KDM4C: variants seen among roughly 807,000 people sequenced by gnomAD.
KDM4C encodes the protein lysine demethylase 4C, also known as lysine-specific demethylase 4C.
In KDM4C, 81 loss-of-function variants were observed where a neutral mutation model predicts 129.3. The observed-to-expected ratio is 0.63, with a 90% CI of 0.52 to 0.75. The LOEUF is 0.75. Ranked by LOEUF, KDM4C falls within the 30% of genes least tolerant of loss-of-function variation. The pLI, the probability that KDM4C is intolerant of heterozygous loss-of-function variation, is 0.00. For missense variants in KDM4C, 1,457 were observed against 1,304.0 expected (o/e 1.12, Z -1.81); for synonymous variants, 573 against 456.1 (o/e 1.26, Z -3.26).
At position 7,134,276 on chromosome 9, in the gene KDM4C, A is replaced by G. The variant is rs374918055; in HGVS notation, c.2781+6040A>G. On this transcript the variant is annotated intron_variant, in intron 19 of 21. Transcript: ENST00000381309. The stretch of plus-strand genomic sequence containing the variant: ...CTTCACCAAATTCCAGTTAATTTTT[A>G]GTTACGAGGGAAACCTTTTATACAT... Among the ~76,000 whole-genome samples the G allele has an allele frequency of 3.4e-4, 52 of 152,352 alleles. 1 individual carries two copies. In the South Asian group the frequency reaches 0.011, roughly 31 times the overall value.
At chr9:6,967,278 G>A (rs770677980) in intron 8 of KDM4C, among the ~76,000 whole-genome samples, 2 of 152,018 alleles carry the variant, frequency 1.3e-5, no homozygotes, top group Non-Finnish European at 2.9e-5. Flanking sequence ...ACAAATATTA[G>A]CCGGGCTTGG....
intron 1 of KDM4C, among the ~76,000 whole-genome samples, chr9:6,738,704 T>C (rs1817600707): frequency 6.6e-6 from 1 of 151,600 alleles, no homozygotes; most frequent in Non-Finnish European, 1.5e-5. Flanking sequence ...TTCAGCCTCT[T>C]GGGTAGCTAG....
chr9:6,872,713 T>C (rs1179113006), intron 5 of KDM4C, among the ~76,000 whole-genome samples: 1 of 152,194 alleles, frequency 6.6e-6, no homozygotes, highest in Non-Finnish European at 1.5e-5. Context: ...TTGCTTTCCA[T>C]TTGCTTGGTA....
In KDM4C at chr9:7,056,511, A is replaced by G. The variant is rs368135063; in HGVS notation, c.2424+7311A>G. 7.2e-5 allele frequency among the ~76,000 whole-genome samples: 11 copies of G among 152,350 alleles called. No individual in the cohort carries two copies. The South Asian group carries it at 2.3e-3, about 32-fold the overall frequency. On this transcript the variant is annotated intron_variant, in intron 17 of 21. Transcript: ENST00000381309. Reference sequence around the variant, plus strand: ...TGGAAAATGTCAGATGGGCATGGCTACAAATAATATACTTTCTGAAGGCTG... The same window carrying G: ...TGGAAAATGTCAGATGGGCATGGCTGCAAATAATATACTTTCTGAAGGCTG...
intron 5 of KDM4C, among the ~76,000 whole-genome samples, chr9:6,867,354 G>A (rs369372574): frequency 2.5e-4 from 38 of 152,218 alleles, no homozygotes; most frequent in African/African-American, 8.9e-4. Context: ...GAAGGTTGTG[G>A]GAGGAGTGAA....
At chr9:6,834,979 C>G in intron 4 of KDM4C, 2 of 987,334 alleles carry the variant, frequency 2.0e-6, no homozygotes, top group South Asian at 2.5e-5. Context: ...CCCACACCAT[C>G]CTGCATCTGG....
chr9:6,868,148 C>A (rs2130608663), intron 5 of KDM4C, among the ~76,000 whole-genome samples: 1 of 151,874 alleles, frequency 6.6e-6, no homozygotes, highest in African/African-American at 2.4e-5. Context: ...GAGCTGAGGC[C>A]CTATGAAGAC....
At chr9:6,948,876 C>T (rs1199541830) in intron 8 of KDM4C, among the ~76,000 whole-genome samples, 6 of 152,154 alleles carry the variant, frequency 3.9e-5, no homozygotes, top group Admixed American at 3.3e-4. Context: ...TCTCCTATGT[C>T]TACTTCTTTC....
At chr9:6,760,445 G>GTGTATATATA (rs139577101) in intron 1 of KDM4C, among the ~76,000 whole-genome samples, 1 of 142,534 alleles carries the variant, frequency 7.0e-6, no homozygotes, top group South Asian at 2.3e-4. Flanking sequence ...CTACTCTTGG[G>GTGTATATATA]TATATATATA....
At chr9:7,019,538 GATTATACAACAAATTTA>G (rs1824282018) in intron 15 of KDM4C, among the ~76,000 whole-genome samples, 1 of 151,412 alleles carries the variant, frequency 6.6e-6, no homozygotes, top group Non-Finnish European at 1.5e-5. Flanking sequence ...TGAGACACGT[GATTATACAACAAATTTA>G]ATTGTTCTGT....
At chr9:6,800,060 C>CA (rs914003108) in intron 2 of KDM4C, among the ~76,000 whole-genome samples, 31 of 145,116 alleles carry the variant, frequency 2.1e-4, no homozygotes, top group South Asian at 1.5e-3. Context: ...ACATCTTTTC[C>CA]AAAAAAAAAA....
At chr9:6,867,964 GATAGGTCCCTACT>G in intron 5 of KDM4C, among the ~76,000 whole-genome samples, 1 of 152,122 alleles carries the variant, frequency 6.6e-6, no homozygotes, top group Non-Finnish European at 1.5e-5. Context: ...TGTTTTCTGT[GATAGGTCCCTACT>G]TTGGAAAAGC....
At chr9:7,040,402 T>TGTGC (rs1205946880) in intron 15 of KDM4C, among the ~76,000 whole-genome samples, 3 of 148,180 alleles carry the variant, frequency 2.0e-5, no homozygotes, top group Admixed American at 6.8e-5. Context: ...TGTGTGTGTG[T>TGTGC]GTGCGTGTGT....
At chr9:6,873,586 C>T (rs1389987184) in intron 5 of KDM4C, among the ~76,000 whole-genome samples, 1 of 152,342 alleles carries the variant, frequency 6.6e-6, no homozygotes, top group South Asian at 2.1e-4. Context: ...GCTTCTTCAC[C>T]TCTCTCAGTC....
rs770213450 is a variant in KDM4C, at chr9:7,169,848, C to T, written c.2952C>T (p.Tyr984=). 2 of 1,613,314 alleles carry T rather than the reference C, an allele frequency of 1.2e-6. No homozygotes were observed. Among genetic ancestry groups the T allele is most frequent in the Non-Finnish European group, 1.7e-6 (2 of 1,179,280 alleles). ...SQIAMKREDI[Y]TLDEELPKRV... ...TAGCAATGAAGAGAGAGGACATCTA[C>T]ACTTTAGATGAAGAGTTACCCAAGA... is the stretch of plus-strand genomic sequence containing the variant. Residue 984 remains tyrosine (Y), a synonymous_variant, in exon 21 of 22, where the codon TAC becomes TAT. Transcript: ENST00000381309.
intron 17 of KDM4C, among the ~76,000 whole-genome samples, chr9:7,064,001 G>C (rs1832068633): frequency 6.6e-6 from 1 of 152,196 alleles, no homozygotes; most frequent in South Asian, 2.1e-4. Context: ...GCTGCTTACA[G>C]CTACCCTGCG....
chr9:6,746,532 G>T (rs1336020675), intron 1 of KDM4C, among the ~76,000 whole-genome samples: 2 of 150,206 alleles, frequency 1.3e-5, no homozygotes, highest in East Asian at 4.0e-4. Context: ...GCTTCCCAAA[G>T]TGCTGGGATT....
rs750006191 is a variant in KDM4C, at chr9:6,984,329, G to C, written c.1279G>C (p.Ala427Pro). 3.1e-6 allele frequency: 5 copies of C among 1,614,072 alleles called. No individual in the cohort carries two copies. The highest frequency in any genetic ancestry group is 1.1e-5 in the South Asian group (1 of 91,068). ...AGCAGTGAAGCTGAGGAACACAGAA[G>C]CATCTTCAGAAGAAGAGTCATCTGC... ...EAAVKLRNTE[A>P]SSEEESSASR... Residue 427 changes from alanine to proline, a missense_variant, in exon 10 of 22, where the codon GCA (alanine) becomes CCA (proline). Physicochemically the swap from Ala to Pro is conservative, Grantham distance 27. Transcript: ENST00000381309.
intron 17 of KDM4C, among the ~76,000 whole-genome samples, chr9:7,093,127 GGGT>G (rs1835996011): frequency 1.3e-5 from 2 of 152,056 alleles, no homozygotes; most frequent in African/African-American, 4.8e-5. Context: ...AATGTAGATG[GGGT>G]GGTGTTACTT....
Sources: gnomAD v4.1 joint callset for allele counts (sites outside exome capture counted in the v4.1 genomes callset) on GRCh38, gnomAD v4.1.1 for gene constraint, MANE v1.5 for transcripts, NCBI Gene and HGNC (gene_info 2026-07-23, HGNC 2026-07-21) for gene names.